Variants in C8orf34 observed in about 807,000 individuals in gnomAD.
C8orf34 encodes the protein chromosome 8 open reading frame 34.
Under a neutral mutation model 68.3 loss-of-function variants are expected in C8orf34, and 65 were observed. The observed-to-expected ratio is 0.95, with a 90% CI of 0.78 to 1.17. The LOEUF (loss-of-function observed/expected upper bound fraction) is 1.17. Ranked by LOEUF, C8orf34 falls within the 50% of genes most tolerant of loss-of-function variation. The probability of loss-of-function intolerance (pLI) is 0.00; values close to 1 mark genes in which losing one functional copy is unlikely to be tolerated. For synonymous variants in C8orf34, 244 were observed against 241.2 expected (o/e 1.01, Z -0.11); for missense variants, 664 against 655.4 (o/e 1.01, Z -0.14).
At position 68,726,996 on chromosome 8, in the gene C8orf34, C is replaced by T. The variant is rs561170531; in HGVS notation, c.1404+5559C>T. 1.2e-4 allele frequency among the ~76,000 whole-genome samples: 19 copies of T among 152,292 alleles called. 1 individual carries two copies. In the South Asian group the frequency reaches 3.5e-3, roughly 28 times the overall value. Reference sequence around the variant, plus strand: ...TCACATTTCAAAACCAATCATCACACCTTCCCAGCAGTGCCCCAAAGTCTT... The same window carrying T: ...TCACATTTCAAAACCAATCATCACATCTTCCCAGCAGTGCCCCAAAGTCTT... On this transcript the variant is annotated intron_variant, in intron 10 of 13. Transcript: ENST00000518698.
intron 7 of C8orf34, chr8:68,533,592 G>A: frequency 1.0e-6 from 1 of 985,684 alleles, no homozygotes; most frequent in Non-Finnish European, 1.2e-6. Context: ...GTTGAAAGGG[G>A]CAGATAGTAA....
intron 7 of C8orf34, among the ~76,000 whole-genome samples, chr8:68,557,040 A>G (rs1563528524): frequency 1.3e-5 from 2 of 152,232 alleles, no homozygotes; most frequent in African/African-American, 4.8e-5. Flanking sequence ...AACCTGAGTT[A>G]TTCACATTGC....
intron 1 of C8orf34, among the ~76,000 whole-genome samples, chr8:68,346,594 C>T (rs999297317): frequency 2.0e-5 from 3 of 151,172 alleles, no homozygotes; most frequent in African/African-American, 7.4e-5. Flanking sequence ...GTGTTTTTGC[C>T]TATCTGTCTC....
rs566128133 is a variant in C8orf34 at position 68,796,952 on chromosome 8, G to A, written c.1549+9416G>A. Among the ~76,000 whole-genome samples the A allele has an allele frequency of 2.2e-4, 33 of 151,240 alleles. No homozygotes were observed. In the South Asian group the frequency reaches 6.0e-3, roughly 28 times the overall value. On this transcript the variant is annotated intron_variant, in intron 12 of 13. Coordinates refer to ENST00000518698, the MANE Select transcript of C8orf34 (RefSeq NM_052958.4). ...AGCAATTCTCTTGCCTCAGCCTGCC[G>A]AGTAGCTGGGATTACAGGCACATGC...
chr8:68,770,578 C>T (rs1823310702), intron 10 of C8orf34, among the ~76,000 whole-genome samples: 1 of 152,182 alleles, frequency 6.6e-6, no homozygotes, highest in Non-Finnish European at 1.5e-5. Flanking sequence ...TCTTGTCCAA[C>T]ATCCACTGAT....
At chr8:68,580,377 A>T (rs1163591582) in intron 7 of C8orf34, among the ~76,000 whole-genome samples, 2 of 152,184 alleles carry the variant, frequency 1.3e-5, no homozygotes, top group Admixed American at 6.5e-5. Flanking sequence ...TGCTTATTTA[A>T]TGTGTTAGTA....
chr8:68,758,176 T>A (rs1275951607), intron 10 of C8orf34, among the ~76,000 whole-genome samples: 1 of 152,202 alleles, frequency 6.6e-6, no homozygotes, highest in Non-Finnish European at 1.5e-5. Context: ...AAACATGAAA[T>A]TTGGCCAGTC....
intron 5 of C8orf34, among the ~76,000 whole-genome samples, chr8:68,502,531 TAAAA>T (rs753955624): frequency 1.3e-5 from 2 of 152,102 alleles, no homozygotes; most frequent in East Asian, 3.9e-4. Context: ...CACATGTTCA[TAAAA>T]AAAGCCATCG....
At chr8:68,331,363 G>A in intron 1 of C8orf34, 24 bp downstream of exon 1, 1 of 1,533,224 alleles carries the variant, frequency 6.5e-7, no homozygotes, top group Non-Finnish European at 8.7e-7. Flanking sequence ...GAGGAGGGCA[G>A]TCCCGTTGTC....
At chr8:68,672,006 G>GA (rs1452017257) in intron 8 of C8orf34, among the ~76,000 whole-genome samples, 4 of 152,060 alleles carry the variant, frequency 2.6e-5, no homozygotes, top group South Asian at 4.2e-4. Flanking sequence ...TTAACAAGAG[G>GA]AAAAAACCAA....
intron 8 of C8orf34, among the ~76,000 whole-genome samples, chr8:68,703,636 C>G (rs548712329): frequency 6.6e-6 from 1 of 152,236 alleles, no homozygotes; most frequent in East Asian, 1.9e-4. Context: ...AAGGCCCACC[C>G]TTGACCAGAA....
intron 7 of C8orf34, among the ~76,000 whole-genome samples, chr8:68,585,356 A>G (rs1287855196): frequency 6.6e-6 from 1 of 152,158 alleles, no homozygotes; most frequent in Non-Finnish European, 1.5e-5. Context: ...GATAATTTAC[A>G]AATTAGTTTG....
At chr8:68,417,244 AT>A (rs1222876402) in intron 1 of C8orf34, among the ~76,000 whole-genome samples, 1 of 152,150 alleles carries the variant, frequency 6.6e-6, no homozygotes, top group Non-Finnish European at 1.5e-5. Flanking sequence ...AATTACAGAA[AT>A]TCTCATATAC....
chr8:68,808,554 A>AATAT (rs371155202), intron 12 of C8orf34, among the ~76,000 whole-genome samples: 4 of 150,136 alleles, frequency 2.7e-5, no homozygotes, highest in East Asian at 1.9e-4. Context: ...ATCAAAAAAT[A>AATAT]ATATATATAT....
chr8:68,764,916 A>T lies in C8orf34; in HGVS notation c.1405-11483A>T, dbSNP rs1177597769. ...TGAAGCCATTTGATAATTTCCTATC[A>T]CTGAAAGTACAAGATTCTTCTAATG... is the stretch of plus-strand genomic sequence containing the variant. On this transcript the variant is annotated intron_variant, in intron 10 of 13. Transcript: ENST00000518698. Among the ~76,000 whole-genome samples the T allele has an allele frequency of 3.3e-5, 5 of 152,200 alleles. No homozygotes were observed. The East Asian group carries it at 9.6e-4, about 29-fold the overall frequency.
At chr8:68,708,226 G>A (rs1223077362) in intron 8 of C8orf34, among the ~76,000 whole-genome samples, 1 of 152,082 alleles carries the variant, frequency 6.6e-6, no homozygotes, top group Non-Finnish European at 1.5e-5. Context: ...AAATTATGGT[G>A]CACATATAAT....
At chr8:68,561,370 A>G (rs1045046523) in intron 7 of C8orf34, among the ~76,000 whole-genome samples, 3 of 152,182 alleles carry the variant, frequency 2.0e-5, no homozygotes, top group Admixed American at 1.3e-4. Context: ...TACAAAAAAA[A>G]ATCTTTCCTT....
intron 5 of C8orf34, among the ~76,000 whole-genome samples, chr8:68,500,546 G>A (rs1475516562): frequency 6.6e-6 from 1 of 152,080 alleles, no homozygotes; most frequent in Non-Finnish European, 1.5e-5. Flanking sequence ...AAAGTGTTTA[G>A]GGACAAAGGA....
At chr8:68,520,498 T>C (rs1814703307) in intron 5 of C8orf34, among the ~76,000 whole-genome samples, 1 of 152,228 alleles carries the variant, frequency 6.6e-6, no homozygotes, top group Admixed American at 6.5e-5. Flanking sequence ...TTGCCCAGGC[T>C]GGAGTGCAGT....
Sources: gnomAD v4.1 joint callset for allele counts (sites outside exome capture counted in the v4.1 genomes callset) on GRCh38, gnomAD v4.1.1 for gene constraint, MANE v1.5 for transcripts, NCBI Gene and HGNC (gene_info 2026-07-23, HGNC 2026-07-21) for gene names.